Variants in CTNNA3 observed in about 807,000 individuals in gnomAD.
CTNNA3 encodes catenin alpha 3.
Under a neutral mutation model 95.7 loss-of-function variants are expected in CTNNA3, and 76 were observed. That is an observed-to-expected ratio of 0.79 (90% CI 0.66 to 0.96). The LOEUF (loss-of-function observed/expected upper bound fraction) is 0.96. Among genes scored for constraint, CTNNA3 ranks in the 40% least tolerant of loss-of-function variants. CTNNA3 has a pLI of 0.00. For missense variants in CTNNA3, 1,191 were observed against 1,089.8 expected, an observed-to-expected ratio of 1.09 and a Z score of -1.31; for synonymous variants, 431 against 374.4, an observed-to-expected ratio of 1.15 and a Z score of -1.74.
In CTNNA3 at chr10:67,353,494, A is replaced by T. The variant is rs1349727975; in HGVS notation, c.580-133624T>A. 8.1e-3 allele frequency among the ~76,000 whole-genome samples: 1,210 copies of T among 149,402 alleles called. 26 individuals are homozygous for T. The highest frequency in any genetic ancestry group is 0.028 in the African/African-American group (1,144 of 41,046). On this transcript the variant is annotated intron_variant, in intron 5 of 17. Transcript: ENST00000433211. ...CTGTTATGCACGTTACATAGTCTTAAAGATTGCTAGTAATTCAATAGTTAA... is the reference window on the plus strand; with the variant it reads ...CTGTTATGCACGTTACATAGTCTTATAGATTGCTAGTAATTCAATAGTTAA...
At chr10:67,125,324 T>C (rs1859669721) in intron 7 of CTNNA3, among the ~76,000 whole-genome samples, 2 of 152,152 alleles carry the variant, frequency 1.3e-5, no homozygotes, top group East Asian at 1.9e-4. Context: ...CTGTCATTTG[T>C]CTAAAATATA....
chr10:67,230,822 G>C (rs79256932), intron 5 of CTNNA3, among the ~76,000 whole-genome samples: 9 of 152,294 alleles, frequency 5.9e-5, no homozygotes, highest in East Asian at 1.9e-4. Context: ...TGCACACACC[G>C]TGCGCGAGCC....
rs1589224509 is a variant in CTNNA3, at chr10:66,420,475, G to C, written c.1532-41123C>G. On this transcript the variant is annotated intron_variant, in intron 11 of 17. Coordinates refer to ENST00000433211, the MANE Select transcript of CTNNA3 (RefSeq NM_013266.4). ...AAAAGAGAATGCTCATACCCTTTTG[G>C]TGGGAATGTAAATTAGTACAACCAC... Among the ~76,000 whole-genome samples, 8 of 152,010 alleles carry C rather than the reference G, an allele frequency of 5.3e-5. No individual in the cohort carries two copies. The South Asian group carries it at 1.7e-3, about 31-fold the overall frequency.
chr10:67,741,074 C>A (rs1398638571), intron 1 of CTNNA3, among the ~76,000 whole-genome samples: 4 of 150,946 alleles, frequency 2.6e-5, no homozygotes, highest in African/African-American at 9.7e-5. Flanking sequence ...AAAACAAACA[C>A]CGCATATTCT....
chr10:66,118,751 A>C (rs1253412148), intron 13 of CTNNA3, among the ~76,000 whole-genome samples: 1 of 152,172 alleles, frequency 6.6e-6, no homozygotes, highest in African/African-American at 2.4e-5. Context: ...GAGCTGATCT[A>C]CTTTGGAAAA....
At chr10:66,433,421 G>A (rs191410650) in intron 11 of CTNNA3, among the ~76,000 whole-genome samples, 352 of 152,150 alleles carry the variant, frequency 2.3e-3, no homozygotes, top group Non-Finnish European at 3.8e-3. Flanking sequence ...TTTTTTTCAT[G>A]TTTGTTGGCT....
intron 5 of CTNNA3, among the ~76,000 whole-genome samples, chr10:67,419,026 A>C (rs908253053): frequency 1.1e-4 from 17 of 152,274 alleles, no homozygotes; most frequent in African/African-American, 3.8e-4. Flanking sequence ...AACAGTATGC[A>C]TATTTATATT....
chr10:66,444,110 G>C (rs747442555), intron 11 of CTNNA3, among the ~76,000 whole-genome samples: 54 of 152,094 alleles, frequency 3.6e-4, no homozygotes, highest in Non-Finnish European at 6.2e-4. Context: ...GAAGTCAGAA[G>C]GGAAGTTTAG....
In CTNNA3 at chr10:65,977,760, G is replaced by GA. The variant is rs1042467373; in HGVS notation, c.2265+10931dup. On this transcript the variant is annotated intron_variant, in intron 16 of 17. Transcript: ENST00000433211. ...CGTGCCACTACACTCCAGCCTGGGT[G>GA]ACAGAGAGACTCCGTCTCAAAAATT... Among the ~76,000 whole-genome samples, 235 of 152,054 alleles carry GA rather than the reference G, an allele frequency of 1.5e-3. 3 individuals are homozygous for GA. The highest frequency in any genetic ancestry group is 5.5e-3 in the African/African-American group (227 of 41,472).
upstream of CTNNA3, among the ~76,000 whole-genome samples, chr10:67,699,830 C>T (rs1589575231): frequency 1.3e-5 from 2 of 152,360 alleles, no homozygotes; most frequent in Middle Eastern, 6.8e-3. Flanking sequence ...CACTGCCTCA[C>T]TCGGAAAGAA....
chr10:67,183,742 G>A (rs564104307), intron 6 of CTNNA3, among the ~76,000 whole-genome samples: 88 of 151,744 alleles, frequency 5.8e-4, no homozygotes, highest in Middle Eastern at 6.8e-3. Flanking sequence ...AAAAGTTCAC[G>A]TAAAAAGTGG....
At chr10:66,453,307 T>C (rs2093476639) in intron 11 of CTNNA3, among the ~76,000 whole-genome samples, 3 of 152,176 alleles carry the variant, frequency 2.0e-5, no homozygotes, top group Admixed American at 6.5e-5. Context: ...GCTAGCTCTA[T>C]GTTTATTAAA....
intron 3 of CTNNA3, among the ~76,000 whole-genome samples, chr10:67,581,870 AT>A (rs2133322060): frequency 6.6e-6 from 1 of 152,144 alleles, no homozygotes; most frequent in East Asian, 1.9e-4. Context: ...GTATTCTCTG[AT>A]GGTAGTTTGT....
Position 67,225,229 on chromosome 10 carries a change from G to T in CTNNA3, c.580-5359C>A, listed in dbSNP as rs185554157. Among the ~76,000 whole-genome samples the T allele has an allele frequency of 4.4e-3, 676 of 152,232 alleles. 1 individual carries two copies. Among genetic ancestry groups the T allele is most frequent in the Non-Finnish European group, 7.8e-3 (528 of 68,000 alleles). ...AGCAGCCACAGCAAGACCCACCCAAGGACAGTCTCAGCTCAGACACGCCTA... is the reference window on the plus strand; with the variant it reads ...AGCAGCCACAGCAAGACCCACCCAATGACAGTCTCAGCTCAGACACGCCTA... On this transcript the variant is annotated intron_variant, in intron 5 of 17. Transcript: ENST00000433211.
At chr10:67,110,269 T>C (rs1216374696) in intron 7 of CTNNA3, among the ~76,000 whole-genome samples, 2 of 152,188 alleles carry the variant, frequency 1.3e-5, no homozygotes, top group African/African-American at 4.8e-5. Flanking sequence ...ATAAATTAAA[T>C]TATAACAACC....
intron 5 of CTNNA3, among the ~76,000 whole-genome samples, chr10:67,316,818 G>A (rs1490630638): frequency 2.6e-5 from 4 of 152,102 alleles, no homozygotes; most frequent in Admixed American, 6.5e-5. Context: ...AAAATATAAA[G>A]TATTTTTTAA....
chr10:66,026,844 A>G (rs2079350512), intron 15 of CTNNA3, among the ~76,000 whole-genome samples: 2 of 152,148 alleles, frequency 1.3e-5, no homozygotes, highest in Non-Finnish European at 2.9e-5. Flanking sequence ...GCTCTAATAT[A>G]ATCAGATTTA....
intron 9 of CTNNA3, among the ~76,000 whole-genome samples, chr10:66,692,344 C>T (rs1302258807): frequency 1.3e-5 from 2 of 152,026 alleles, no homozygotes; most frequent in Admixed American, 6.5e-5. Flanking sequence ...ATGTGATCAA[C>T]TGGAAGAAAG....
intron 1 of CTNNA3, among the ~76,000 whole-genome samples, chr10:67,664,797 C>A (rs1404048138): frequency 6.6e-6 from 1 of 152,160 alleles, no homozygotes; most frequent in Non-Finnish European, 1.5e-5. Context: ...ACTTTAACTT[C>A]TTGCTGCCTC....
Sources: allele counts gnomAD v4.1 joint callset (sites outside exome capture counted in the v4.1 genomes callset), GRCh38; gene constraint gnomAD v4.1.1; transcripts MANE v1.5; gene names NCBI Gene and HGNC (gene_info 2026-07-23, HGNC 2026-07-21).